The following PYCR3 variants were observed in gnomAD, a reference collection of about 807,000 sequenced individuals.
The protein encoded by PYCR3 is P5C reductase 3.
Under a neutral mutation model 23.4 loss-of-function variants are expected in PYCR3, and 26 were observed. The ratio of observed to expected loss-of-function variants is 1.11; its 90% CI spans 0.81 to 1.54. The LOEUF (loss-of-function observed/expected upper bound fraction) is 1.54. Among genes scored for constraint, PYCR3 ranks in the 40% most tolerant of loss-of-function variants. The pLI is 0.00. For synonymous variants in PYCR3, 194 were observed against 162.6 expected (o/e 1.19, Z -1.47); for missense variants, 360 against 376.3 (o/e 0.96, Z 0.36).
chr8:143,609,568 C>G lies in PYCR3; in HGVS notation c.-20G>C, dbSNP rs1829492568. The G allele has an allele frequency of 6.7e-7, 1 of 1,483,136 alleles. No individual in the cohort carries two copies. Among genetic ancestry groups the G allele is most frequent in the East Asian group, 2.8e-5 (1 of 35,762 alleles). 91.9% of individuals were successfully genotyped at this position (1,483,136 alleles called of 1,614,324 possible). The stretch of plus-strand genomic sequence containing the variant: ...TGCCATCTTGTTGCCTCGGACGCCG[C>G]TGCGCTCACCGCCCATCCACAGGCC... On this transcript the variant is annotated 5_prime_UTR_variant, in exon 1 of 6. Coordinates refer to ENST00000495276, the MANE Select transcript of PYCR3 (RefSeq NM_023078.6).
At position 143,605,826 on chromosome 8, in the gene PYCR3, G is replaced by A. The variant is rs146122298; in HGVS notation, c.699C>T (p.Asp233=). 77 of 1,611,956 alleles carry A rather than the reference G, an allele frequency of 4.8e-5. No individual in the cohort carries two copies. The African/African-American group carries it at 8.4e-4, about 18-fold the overall frequency. ...EGQHPAQLRS[D]VCTPGGTTIY... Reference sequence around the variant, plus strand: ...TGGTGGTGCCACCCGGGGTGCACACGTCTGAGCGCAGCTGGGCTGGGTGTT... The same window carrying A: ...TGGTGGTGCCACCCGGGGTGCACACATCTGAGCGCAGCTGGGCTGGGTGTT... The change falls in exon 6 of 6, where the codon GAC becomes GAT. Residue 233 remains aspartate (D), a synonymous_variant. Transcript: ENST00000495276.
rs1379670360 is a variant in PYCR3 at position 143,605,218 on chromosome 8, C to T, written c.*482G>A. On this transcript the variant is annotated 3_prime_UTR_variant, in exon 6 of 6. Coordinates refer to ENST00000495276, the MANE Select transcript of PYCR3 (RefSeq NM_023078.6). ...GGGGAGAGGGTCTCTTGTGCAGACC[C>T]CATATGGCTCGTGCCCCCTAGAGCT... 1 of 318,158 alleles carries T rather than the reference C, an allele frequency of 3.1e-6. No individual in the cohort carries two copies. The highest frequency in any genetic ancestry group is 2.2e-5 in the African/African-American group (1 of 45,718). The allele number at this position is 318,158 out of a possible 1,614,324, so 19.7% of individuals were successfully genotyped here.
chr8:143,609,173 G>A (rs1829477874), intron 1 of PYCR3, among the ~76,000 whole-genome samples: 1 of 152,256 alleles, frequency 6.6e-6, no homozygotes, highest in Non-Finnish European at 1.5e-5. Context: ...CCCCATGAGA[G>A]GGGCTGGCGC....
chr8:143,607,270 A>G, intron 2 of PYCR3, 138 bp from the exon 3 acceptor site: 1 of 793,046 alleles, frequency 1.3e-6, no homozygotes, highest in Non-Finnish European at 1.9e-6. Flanking sequence ...GACCACCCCG[A>G]CTTCTCCAGT....
rs1386260531 is a variant in PYCR3, at chr8:143,609,564, G to A, written c.-16C>T. Reference sequence around the variant, plus strand: ...CAGCTGCCATCTTGTTGCCTCGGACGCCGCTGCGCTCACCGCCCATCCACA... The same window carrying A: ...CAGCTGCCATCTTGTTGCCTCGGACACCGCTGCGCTCACCGCCCATCCACA... On this transcript the variant is annotated 5_prime_UTR_variant, in exon 1 of 6. Coordinates refer to ENST00000495276, the MANE Select transcript of PYCR3 (RefSeq NM_023078.6). 6.7e-7 allele frequency: 1 copy of A among 1,486,724 alleles called. No individual in the cohort carries two copies. Among genetic ancestry groups the A allele is most frequent in the Non-Finnish European group, 8.9e-7 (1 of 1,126,134 alleles). 92.1% of individuals were successfully genotyped at this position (1,486,724 alleles called of 1,614,324 possible).
At chr8:143,606,442 C>T (rs373431858) in intron 4 of PYCR3, 25 bp downstream of exon 4, 31 of 1,608,940 alleles carry the variant, frequency 1.9e-5, no homozygotes, top group Non-Finnish European at 1.9e-5. Context: ...AGGGTGGGGC[C>T]GGGGATGGAC....
At chr8:143,608,377 G>A (rs1015329592) in intron 1 of PYCR3, 9 of 532,196 alleles carry the variant, frequency 1.7e-5, no homozygotes, top group Non-Finnish European at 2.7e-5. Flanking sequence ...CCTCATTGGT[G>A]AGGACACAGA....
rs1401068772 is a variant in PYCR3, at chr8:143,609,571, C to T, written c.-23G>A. 5.4e-6 allele frequency: 8 copies of T among 1,476,484 alleles called. No homozygotes were observed. Among genetic ancestry groups the T allele is most frequent in the Admixed American group, 2.3e-5 (1 of 42,626 alleles). The allele number at this position is 1,476,484 out of a possible 1,614,324, so 91.5% of individuals were successfully genotyped here. ...CATCTTGTTGCCTCGGACGCCGCTG[C>T]GCTCACCGCCCATCCACAGGCCGCG... On this transcript the variant is annotated 5_prime_UTR_variant, in exon 1 of 6. Transcript: ENST00000495276.
rs377550959 is a variant in PYCR3, at chr8:143,606,921, G to A, written c.336+32C>T. ...AAGCCTGGCCAGCAGAGCCTATACT[G>A]GGACCAAGGCCTTAGCCCAAGGGAC... On this transcript the variant is annotated intron_variant, in intron 3 of 5. Transcript: ENST00000495276. 38 of 1,558,716 alleles carry A rather than the reference G, an allele frequency of 2.4e-5. No individual in the cohort carries two copies. The African/African-American group carries it at 4.2e-4, about 17-fold the overall frequency.
intron 1 of PYCR3, among the ~76,000 whole-genome samples, 158 bp downstream of exon 1, chr8:143,609,300 C>T (rs1563681363): frequency 6.6e-6 from 1 of 152,254 alleles, no homozygotes; most frequent in African/African-American, 2.4e-5. Flanking sequence ...GCAGCCACGT[C>T]AAAAAAGTAA....
At chr8:143,608,667 G>A (rs1829464292) in intron 1 of PYCR3, 1 of 350,468 alleles carries the variant, frequency 2.9e-6, no homozygotes, top group Admixed American at 3.5e-5. Context: ...GAAGGCACAA[G>A]TGTACACCAC....
At chr8:143,606,388 G>A in intron 4 of PYCR3, 79 bp downstream of exon 4, 4 of 1,483,824 alleles carry the variant, frequency 2.7e-6, no homozygotes, top group South Asian at 1.1e-5. Flanking sequence ...GGACTCTGAG[G>A]GCAGAGGCTG....
intron 1 of PYCR3, chr8:143,608,977 G>A (rs1829473168): frequency 4.5e-6 from 2 of 446,136 alleles, no homozygotes; most frequent in Admixed American, 4.8e-5. Flanking sequence ...TAAATATTCC[G>A]GGTATAAAGC....
At position 143,604,798 on chromosome 8, in the gene PYCR3, G is replaced by A. The variant is rs1447313470; in HGVS notation, c.*902C>T. ...CCGTCCGTTAGGGACAGGTGGAGGG[G>A]CCAAGTCTTGCCATCAGAGGCCAGT... On this transcript the variant is annotated 3_prime_UTR_variant, in exon 6 of 6. Coordinates refer to ENST00000495276, the MANE Select transcript of PYCR3 (RefSeq NM_023078.6). 6.8e-6 allele frequency: 3 copies of A among 441,608 alleles called. No homozygotes were observed. Among genetic ancestry groups the A allele is most frequent in the East Asian group, 7.1e-5 (1 of 14,154 alleles). 27.4% of individuals were successfully genotyped at this position (441,608 alleles called of 1,614,324 possible). A position where few individuals can be genotyped will look rare whatever the true frequency, so the allele number is the denominator to read the frequency against.
Position 143,606,049 on chromosome 8 carries a change from C to T in PYCR3, c.642+13G>A, listed in dbSNP as rs1335119580. The T allele has an allele frequency of 6.2e-7, 1 of 1,602,670 alleles. No individual in the cohort carries two copies. Among genetic ancestry groups the T allele is most frequent in the Non-Finnish European group, 8.5e-7 (1 of 1,174,752 alleles). On this transcript the variant is annotated intron_variant, in intron 5 of 5. Coordinates refer to ENST00000495276, the MANE Select transcript of PYCR3 (RefSeq NM_023078.6). ...GGCCTTCCCGATGTTCCCCAGGGGC[C>T]ACCCTCACTCACCAGCAGGGTCTGG...
chr8:143,607,549 T>G (rs1372356316), intron 2 of PYCR3, among the ~76,000 whole-genome samples: 1 of 151,744 alleles, frequency 6.6e-6, no homozygotes, highest in Non-Finnish European at 1.5e-5. Context: ...TGCACTCATG[T>G]GTACACGCAC....
rs1399134685 is a variant in PYCR3 at position 143,603,960 on chromosome 8, T to C, written c.*1740A>G. On this transcript the variant is annotated 3_prime_UTR_variant, in exon 6 of 6. Transcript: ENST00000495276. ...CCCAGGCTGGAGTGCAGTGGCATGA[T>C]CTTGGCTCTCTGCAATCTCCGCCTC... is the stretch of plus-strand genomic sequence containing the variant. The C allele has an allele frequency of 1.3e-5, 2 of 151,916 alleles. No homozygotes were observed. The highest frequency in any genetic ancestry group is 1.5e-5 in the Non-Finnish European group (1 of 67,966). The allele number at this position is 151,916 out of a possible 1,614,324, so 9.4% of individuals were successfully genotyped here.
At position 143,605,372 on chromosome 8, in the gene PYCR3, A is replaced by G. The variant is rs1385626840; in HGVS notation, c.*328T>C. On this transcript the variant is annotated 3_prime_UTR_variant, in exon 6 of 6. Transcript: ENST00000495276. ...GTAAGTTCTGTTCATGGCCTCAACC[A>G]ACTGCCCAACCATGCGGGCAAATGA... 1 of 407,102 alleles carries G rather than the reference A, an allele frequency of 2.5e-6. No homozygotes were observed. The highest frequency in any genetic ancestry group is 4.0e-5 in the Admixed American group (1 of 24,930). The allele number at this position is 407,102 out of a possible 1,614,324, so 25.2% of individuals were successfully genotyped here. A position where few individuals can be genotyped will look rare whatever the true frequency, so the allele number is the denominator to read the frequency against.
At position 143,606,748 on chromosome 8, in the gene PYCR3, G is replaced by T. The variant is rs983379190; in HGVS notation, c.337-69C>A. The T allele has an allele frequency of 3.4e-6, 5 of 1,481,148 alleles. No homozygotes were observed. In the Admixed American group the frequency reaches 1.1e-4, roughly 33 times the overall value. The allele number at this position is 1,481,148 out of a possible 1,614,324, so 91.8% of individuals were successfully genotyped here. A position where few individuals can be genotyped will look rare whatever the true frequency, so the allele number is the denominator to read the frequency against. On this transcript the variant is annotated intron_variant, in intron 3 of 5. Coordinates refer to ENST00000495276, the MANE Select transcript of PYCR3 (RefSeq NM_023078.6). ...CCCTGCTGGGCAGGCCCCAGCAGGG[G>T]CCTCAGGAAAGGTCCACGTCAGCTC... is the stretch of plus-strand genomic sequence containing the variant.
Sources: gnomAD v4.1 joint callset for allele counts (sites outside exome capture counted in the v4.1 genomes callset) on GRCh38, gnomAD v4.1.1 for gene constraint, MANE v1.5 for transcripts, NCBI Gene and HGNC (gene_info 2026-07-23, HGNC 2026-07-21) for gene names.